The following NCS1 variants were observed in gnomAD, a reference collection of about 807,000 sequenced individuals.
NCS1 encodes neuronal calcium sensor 1.
NCS1 carries 6 observed loss-of-function variants against 28.4 expected under a neutral mutation model. The ratio of observed to expected loss-of-function variants is 0.21; its 90% CI spans 0.12 to 0.42. NCS1 has a LOEUF of 0.42. Ranked by LOEUF, NCS1 falls within the 10% of genes least tolerant of loss-of-function variation. The pLI is 1.00. For missense variants in NCS1, 131 were observed against 241.4 expected (o/e 0.54, Z 3.03); for synonymous variants, 86 against 99.3 (o/e 0.87, Z 0.79).
chr9:130,203,683 C>G (rs956558024), intron 2 of NCS1, among the ~76,000 whole-genome samples: 2 of 152,186 alleles, frequency 1.3e-5, no homozygotes, highest in South Asian at 4.1e-4. Context: ...TGGGCCTCTT[C>G]CAGGGCAGGG....
intron 2 of NCS1, among the ~76,000 whole-genome samples, chr9:130,204,321 C>T (rs73545554): frequency 0.015 from 2,244 of 152,106 alleles, 51 homozygotes; most frequent in African/African-American, 0.051. Context: ...CAGGGTGTTG[C>T]CCTGTCGCCC....
intron 2 of NCS1, among the ~76,000 whole-genome samples, chr9:130,201,782 G>A (rs533690186): frequency 8.5e-5 from 13 of 152,280 alleles, no homozygotes; most frequent in Middle Eastern, 3.4e-3. Context: ...ATGCTGGCCC[G>A]CCTGGCTCTG....
At chr9:130,221,413 T>TAG (rs782666520) in intron 4 of NCS1, among the ~76,000 whole-genome samples, 21 of 57,714 alleles carry the variant, frequency 3.6e-4, no homozygotes, top group Admixed American at 1.5e-3. Flanking sequence ...TATATATATA[T>TAG]AGAGAGAGAG....
chr9:130,190,870 A>G (rs555699318), intron 1 of NCS1, among the ~76,000 whole-genome samples: 1 of 152,250 alleles, frequency 6.6e-6, no homozygotes, highest in African/African-American at 2.4e-5. Flanking sequence ...GCCTGTCAGC[A>G]CAGGGCCTTG....
At chr9:130,197,279 A>G (rs1554906953) in intron 1 of NCS1, among the ~76,000 whole-genome samples, 1 of 152,228 alleles carries the variant, frequency 6.6e-6, no homozygotes, top group Admixed American at 6.5e-5. Context: ...CTTTATGGAT[A>G]TTATTGCTTA....
rs541889348 is a variant in NCS1, at chr9:130,190,328, CAG to C, written c.65-10628_65-10627del. ...GGACAAAAGCAGGCACTCACAGAGA[CAG>C]AACAAAACCATTTCTCATACAGCTT... On this transcript the variant is annotated intron_variant, in intron 1 of 7. Coordinates refer to ENST00000372398, the MANE Select transcript of NCS1 (RefSeq NM_014286.4). Among the ~76,000 whole-genome samples the C allele has an allele frequency of 1.2e-3, 190 of 152,262 alleles. 1 individual carries two copies. In the South Asian group the frequency reaches 0.02, roughly 16 times the overall value.
At chr9:130,224,001 C>G (rs1833375173) in intron 6 of NCS1, among the ~76,000 whole-genome samples, 1 of 151,908 alleles carries the variant, frequency 6.6e-6, no homozygotes, top group African/African-American at 2.4e-5. Flanking sequence ...CGCATGCCAC[C>G]ATACCTGGCT....
chr9:130,215,200 G>T lies in NCS1; in HGVS notation c.90-2632G>T, dbSNP rs536581195. Among the ~76,000 whole-genome samples, 80 of 152,314 alleles carry T rather than the reference G, an allele frequency of 5.3e-4. No homozygotes were observed. The highest frequency in any genetic ancestry group is 1.0e-3 in the Non-Finnish European group (69 of 68,024). The stretch of plus-strand genomic sequence containing the variant: ...ATGGGTCATTAAGTCCTGGTGCCAG[G>T]CATGTTCCCTCCTCTGCCCAGGGGC... On this transcript the variant is annotated intron_variant, in intron 2 of 7. Coordinates refer to ENST00000372398, the MANE Select transcript of NCS1 (RefSeq NM_014286.4). The surrounding 1 kb of genome is among the most constrained non-coding windows in gnomAD (Gnocchi z 4.2).
At chr9:130,221,779 T>A (rs1290604581) in intron 4 of NCS1, among the ~76,000 whole-genome samples, 3 of 137,962 alleles carry the variant, frequency 2.2e-5, no homozygotes, top group African/African-American at 2.7e-5. Flanking sequence ...TACACATAAA[T>A]ATAAATTATG....
chr9:130,212,074 G>T (rs530742226), intron 2 of NCS1, among the ~76,000 whole-genome samples: 1 of 151,052 alleles, frequency 6.6e-6, no homozygotes, highest in East Asian at 1.9e-4. Flanking sequence ...GCCAGGAGGG[G>T]CCTTCACCTC....
intron 2 of NCS1, 27 bp from the exon 3 acceptor site, chr9:130,217,805 C>A (rs1554909596): frequency 6.2e-7 from 1 of 1,614,034 alleles, no homozygotes; most frequent in East Asian, 2.2e-5. Context: ...CTCCTTTACC[C>A]TCTCTGGCCC....
Position 130,226,423 on chromosome 9 carries a change from A to T in NCS1, c.509A>T (p.Gln170Leu). 6.2e-7 allele frequency: 1 copy of T among 1,614,116 alleles called. No homozygotes were observed. The highest frequency in any genetic ancestry group is 8.5e-7 in the Non-Finnish European group (1 of 1,179,990). Reference protein sequence around the residue: ...ADGKLTLQEFQEGSKADPSIV... With the variant: ...ADGKLTLQEFLEGSKADPSIV... ...GGGAAGCTGACCCTGCAGGAGTTCC[A>T]GGAGGGTTCCAAGGCAGACCCGTCC... is the stretch of plus-strand genomic sequence containing the variant. Residue 170 changes from glutamine (Q) to leucine (L), a missense_variant, in exon 7 of 8, where the codon CAG becomes CTG. Around this residue, in one of 2 missense-constraint regions of NCS1, gnomAD observed 100 missense variants for 210.3 expected, o/e 0.48. Coordinates refer to ENST00000372398, the MANE Select transcript of NCS1 (RefSeq NM_014286.4). This position sits in a 1 kb window ranked among gnomAD's most constrained non-coding sequence, Gnocchi z 4.8.
chr9:130,205,753 G>A (rs1275499416), intron 2 of NCS1, among the ~76,000 whole-genome samples: 1 of 151,596 alleles, frequency 6.6e-6, no homozygotes, highest in Admixed American at 6.6e-5. Context: ...AAGATCGCTT[G>A]GGCCCCAGAG....
intron 2 of NCS1, 137 bp downstream of exon 2, chr9:130,201,119 C>G (rs1832942026): frequency 3.3e-6 from 4 of 1,206,620 alleles, no homozygotes; most frequent in Non-Finnish European, 4.9e-6. Flanking sequence ...GTCCAGACAG[C>G]CTTTGTTCAG....
intron 3 of NCS1, 141 bp downstream of exon 3, chr9:130,218,111 T>C: frequency 9.1e-7 from 1 of 1,103,428 alleles, no homozygotes; most frequent in Non-Finnish European, 1.3e-6. Context: ...CATGCACAGA[T>C]ACATAGTCGC....
At position 130,213,300 on chromosome 9, in the gene NCS1, C is replaced by T. The variant is rs375383614; in HGVS notation, c.90-4532C>T. On this transcript the variant is annotated intron_variant, in intron 2 of 7. Transcript: ENST00000372398. ...TTCTTTCTTTTTTTTTCTTTTGAGA[C>T]GGAGTCTCGCTCTGTCCCCCAGGCT... 2.0e-3 allele frequency among the ~76,000 whole-genome samples: 301 copies of T among 152,186 alleles called. 1 individual carries two copies. The highest frequency in any genetic ancestry group is 7.0e-3 in the African/African-American group (292 of 41,538).
intron 1 of NCS1, among the ~76,000 whole-genome samples, chr9:130,176,890 TG>T (rs1160342708): frequency 6.6e-6 from 1 of 152,226 alleles, no homozygotes; most frequent in Non-Finnish European, 1.5e-5. Context: ...TAAAGGCTTC[TG>T]AGGCCACTGC....
At position 130,219,826 on chromosome 9, in the gene NCS1, T is replaced by G; in HGVS notation, c.307+23T>G. 6.2e-7 allele frequency: 1 copy of G among 1,613,204 alleles called. No individual in the cohort carries two copies. Among genetic ancestry groups the G allele is most frequent in the Non-Finnish European group, 8.5e-7 (1 of 1,179,202 alleles). On this transcript the variant is annotated intron_variant, in intron 4 of 7. Coordinates refer to ENST00000372398, the MANE Select transcript of NCS1 (RefSeq NM_014286.4). The surrounding 1 kb of genome is among the most constrained non-coding windows in gnomAD (Gnocchi z 5.7). ...GGTGTAAGTCCTGCCCCCTTGGCCC[T>G]GTGTGGCAGCAGCTGGAGGGCCCAG...
chr9:130,214,406 G>A (rs1353531391), intron 2 of NCS1, among the ~76,000 whole-genome samples: 12 of 152,210 alleles, frequency 7.9e-5, no homozygotes, highest in African/African-American at 2.9e-4. Context: ...GGAGAGAGAG[G>A]GGAATCAACT....
Sources: allele counts gnomAD v4.1 joint callset (sites outside exome capture counted in the v4.1 genomes callset), GRCh38; gene constraint gnomAD v4.1.1; regional missense constraint gnomAD v4.1.1; non-coding constraint Gnocchi (gnomAD v3.1); transcripts MANE v1.5; gene names NCBI Gene and HGNC (gene_info 2026-07-23, HGNC 2026-07-21).